The following OTOGL variants were observed in gnomAD, a reference collection of about 807,000 sequenced individuals.
OTOGL encodes otogelin like, also known as otogelin-like protein.
A neutral mutation model predicts 318.5 loss-of-function variants in OTOGL; 285 were observed. That is an observed-to-expected ratio of 0.89 (90% CI 0.81 to 0.99). The LOEUF (loss-of-function observed/expected upper bound fraction) is 0.99. OTOGL is among the 50% of genes least tolerant of loss of function. The pLI, the probability that OTOGL is intolerant of heterozygous loss-of-function variation, is 0.00. For synonymous variants in OTOGL, 987 were observed against 936.5 expected, an observed-to-expected ratio of 1.05 and a Z score of -0.99; for missense variants, 2,899 against 2,845.6, an observed-to-expected ratio of 1.02 and a Z score of -0.43.
chr12:80,313,404 T>G (rs1354835296), intron 30 of OTOGL, 72 bp from the exon 31 acceptor site: 34 of 1,423,182 alleles, frequency 2.4e-5, no homozygotes, highest in Non-Finnish European at 3.2e-5. Flanking sequence ...AACACATAGT[T>G]TTTTAGACGG....
chr12:80,375,013 A>C (rs569856763), intron 57 of OTOGL, among the ~76,000 whole-genome samples: 56 of 152,294 alleles, frequency 3.7e-4, no homozygotes, highest in Admixed American at 1.1e-3. Flanking sequence ...ATCTGGGCCC[A>C]GGATCTTTCA....
chr12:80,255,752 C>T (rs1289238827), intron 16 of OTOGL, among the ~76,000 whole-genome samples: 1 of 151,848 alleles, frequency 6.6e-6, no homozygotes, highest in East Asian at 1.9e-4. Context: ...ATTCATCTCT[C>T]TAAAGCAGGT....
intron 26 of OTOGL, among the ~76,000 whole-genome samples, chr12:80,289,144 T>C (rs928961945): frequency 3.3e-5 from 5 of 152,202 alleles, no homozygotes; most frequent in African/African-American, 1.2e-4. Flanking sequence ...CTTCTAACAG[T>C]CAGGGCTCTC....
At chr12:80,117,686 C>T (rs917225643) in intron 1 of OTOGL, among the ~76,000 whole-genome samples, 22 of 152,262 alleles carry the variant, frequency 1.4e-4, no homozygotes, top group Admixed American at 5.9e-4. Flanking sequence ...TCATTATGTA[C>T]GACCTAGAAG....
chr12:80,114,554 A>G lies in OTOGL; in HGVS notation c.-20+14949A>G, dbSNP rs150139994. On this transcript the variant is annotated intron_variant, in intron 1 of 58. Transcript: ENST00000547103. ...CTGGCTGCCCTTAACGTTTTTTTCC[A>G]CCATTTCAACCTTGGTGAATCTGAC... 2.0e-4 allele frequency among the ~76,000 whole-genome samples: 30 copies of G among 151,668 alleles called. No homozygotes were observed. The East Asian group carries it at 5.7e-3, about 29-fold the overall frequency.
intron 1 of OTOGL, among the ~76,000 whole-genome samples, chr12:80,199,858 A>C (rs2137281564): frequency 6.6e-6 from 1 of 152,312 alleles, no homozygotes. Flanking sequence ...ACAAAATGAC[A>C]CTGGAAACTT....
intron 26 of OTOGL, among the ~76,000 whole-genome samples, chr12:80,282,255 T>C (rs1183487514): frequency 6.6e-6 from 1 of 151,868 alleles, no homozygotes; most frequent in Non-Finnish European, 1.5e-5. Context: ...TTTTATATTA[T>C]TAGAGGTTTG....
rs559133586 is a variant in OTOGL, at chr12:80,252,208, G to A, written c.1285+7G>A. On this transcript the variant is annotated splice_region_variant and intron_variant, in intron 13 of 58. Transcript: ENST00000547103. ...GGATGTTACTGCCCAGATGGTAAGT[G>A]CTTCATGAAGAAACCATGTCTGCAC... 4.4e-6 allele frequency: 7 copies of A among 1,596,438 alleles called. No homozygotes were observed. In the Admixed American group the frequency reaches 8.7e-5, roughly 20 times the overall value.
At chr12:80,117,715 A>G (rs1041986900) in intron 1 of OTOGL, among the ~76,000 whole-genome samples, 2 of 152,096 alleles carry the variant, frequency 1.3e-5, no homozygotes, top group African/African-American at 4.8e-5. Flanking sequence ...AATCAATTAA[A>G]CCTGCCTTTT....
intron 44 of OTOGL, among the ~76,000 whole-genome samples, chr12:80,348,844 C>G (rs1236418558): frequency 1.3e-5 from 2 of 152,120 alleles, no homozygotes; most frequent in African/African-American, 2.4e-5. Context: ...GTTTCCCCAG[C>G]TGGAATACTT....
At chr12:80,128,369 G>A (rs1431758983) in intron 1 of OTOGL, among the ~76,000 whole-genome samples, 5 of 152,196 alleles carry the variant, frequency 3.3e-5, no homozygotes, top group South Asian at 4.1e-4. Flanking sequence ...TTGGTGAACA[G>A]CAAATGTTGC....
intron 1 of OTOGL, among the ~76,000 whole-genome samples, chr12:80,119,488 C>T (rs947346681): frequency 5.3e-5 from 8 of 152,140 alleles, no homozygotes; most frequent in Admixed American, 2.0e-4. Flanking sequence ...ATCACAATGT[C>T]GGCCGTTGTG....
At chr12:80,260,800 A>T (rs1392905903) in intron 18 of OTOGL, among the ~76,000 whole-genome samples, 4 of 152,152 alleles carry the variant, frequency 2.6e-5, no homozygotes, top group African/African-American at 9.7e-5. Flanking sequence ...AGTCAGTTCC[A>T]CCTGGAAACC....
intron 21 of OTOGL, among the ~76,000 whole-genome samples, chr12:80,266,830 A>G (rs900015258): frequency 3.3e-5 from 5 of 152,114 alleles, no homozygotes; most frequent in African/African-American, 1.2e-4. Context: ...TGCTTTTACC[A>G]TAGTCAAATC....
chr12:80,369,328 A>G (rs998666832), intron 55 of OTOGL, among the ~76,000 whole-genome samples: 13 of 152,092 alleles, frequency 8.5e-5, no homozygotes, highest in African/African-American at 3.1e-4. Context: ...TGTCTTCATT[A>G]CTGCTGAAAA....
intron 7 of OTOGL, among the ~76,000 whole-genome samples, chr12:80,228,092 C>T (rs1399722385): frequency 1.3e-5 from 2 of 152,142 alleles, no homozygotes; most frequent in African/African-American, 4.8e-5. Flanking sequence ...ATGATCAATA[C>T]AATTTGCTGA....
chr12:80,329,037 T>C lies in OTOGL; in HGVS notation c.4280-14T>C, dbSNP rs1887896060. 1 of 1,583,656 alleles carries C rather than the reference T, an allele frequency of 6.3e-7. No individual in the cohort carries two copies. The highest frequency in any genetic ancestry group is 1.2e-5 in the South Asian group (1 of 84,934). ...AAATACAGTTTTATAAAGAGCACCT[T>C]TGTTTCTTTGTAGGTATACCTGTGA... On this transcript the variant is annotated splice_polypyrimidine_tract_variant and intron_variant, in intron 36 of 58. Coordinates refer to ENST00000547103, the MANE Select transcript of OTOGL (RefSeq NM_001378609.3).
Position 80,208,741 on chromosome 12 carries a change from T to A in OTOGL, c.-19-672T>A, listed in dbSNP as rs968237498. 2.0e-5 allele frequency among the ~76,000 whole-genome samples: 3 copies of A among 152,186 alleles called. No individual in the cohort carries two copies. The South Asian group carries it at 6.2e-4, about 32-fold the overall frequency. On this transcript the variant is annotated intron_variant, in intron 1 of 58. Coordinates refer to ENST00000547103, the MANE Select transcript of OTOGL (RefSeq NM_001378609.3). Reference sequence around the variant, plus strand: ...AAGTTTTCAGGGCTGGGTGAGTTACTTTATTTTCTTTTCAAAGTCAAGTAT... The same window carrying A: ...AAGTTTTCAGGGCTGGGTGAGTTACATTATTTTCTTTTCAAAGTCAAGTAT...
chr12:80,318,281 A>G (rs1172230761), intron 32 of OTOGL, among the ~76,000 whole-genome samples: 1 of 152,138 alleles, frequency 6.6e-6, no homozygotes, highest in Non-Finnish European at 1.5e-5. Context: ...AGTAAAATAC[A>G]CTGAGTGCAG....
Sources: allele counts gnomAD v4.1 joint callset (sites outside exome capture counted in the v4.1 genomes callset), GRCh38; gene constraint gnomAD v4.1.1; transcripts MANE v1.5; gene names NCBI Gene and HGNC (gene_info 2026-07-23, HGNC 2026-07-21).